GPR83: variants seen among roughly 807,000 people sequenced by gnomAD.
GPR83 encodes the protein G protein-coupled receptor 83, also known as G-protein coupled receptor 72.
In GPR83, 23 loss-of-function variants were observed where a neutral mutation model predicts 28.0. The ratio of observed to expected loss-of-function variants is 0.82; its 90% confidence interval spans 0.59 to 1.16. The LOEUF is 1.16. Among genes scored for constraint, GPR83 ranks in the 50% most tolerant of loss-of-function variants. The pLI is 0.00. For synonymous variants in GPR83, 234 were observed against 215.4 expected, an observed-to-expected ratio of 1.09 and a Z score of -0.76; for missense variants, 610 against 536.6, an observed-to-expected ratio of 1.14 and a Z score of -1.35.
At chr11:94,381,222 T>A (rs1944684078) in intron 3 of GPR83, among the ~76,000 whole-genome samples, 1 of 152,154 alleles carries the variant, frequency 6.6e-6, no homozygotes. Flanking sequence ...TGAACTAACA[T>A]CCCTTCAGCC....
chr11:94,386,491 G>C (rs759263999), intron 3 of GPR83, among the ~76,000 whole-genome samples: 10 of 152,116 alleles, frequency 6.6e-5, no homozygotes, highest in Non-Finnish European at 1.2e-4. Flanking sequence ...TCAAAATAAA[G>C]GGATGGAGAA....
chr11:94,383,203 A>G (rs1944712289), intron 3 of GPR83, among the ~76,000 whole-genome samples: 2 of 151,994 alleles, frequency 1.3e-5, no homozygotes. Context: ...ACACAACTAC[A>G]TGGAAACTGA....
At position 94,380,446 on chromosome 11, in the gene GPR83, G is replaced by C. The variant is rs775258630; in HGVS notation, c.975C>G (p.Ala325=). Reference sequence around the variant, plus strand: ...CAAACCAGTGGAAGGCAAAGTAGAGGGCATTGTTGGTGCGGATGACCTTGC... The same window carrying C: ...CAAACCAGTGGAAGGCAAAGTAGAGCGCATTGTTGGTGCGGATGACCTTGC... ...LSSKVIRTNN[A]LYFAFHWFAM... Residue 325 remains alanine (A), a synonymous_variant, in exon 4 of 4, where the codon GCC becomes GCG. Coordinates refer to ENST00000243673, the MANE Select transcript of GPR83 (RefSeq NM_016540.4). 1.1e-5 allele frequency: 17 copies of C among 1,614,192 alleles called. No homozygotes were observed. In the South Asian group the frequency reaches 1.4e-4, roughly 14 times the overall value.
In GPR83 at chr11:94,396,487, C is replaced by T; in HGVS notation, c.425G>A (p.Gly142Asp). 6.2e-7 allele frequency: 1 copy of T among 1,613,994 alleles called. No homozygotes were observed. The highest frequency in any genetic ancestry group is 8.5e-7 in the Non-Finnish European group (1 of 1,179,878). The change falls in exon 2 of 4, where the codon GGC (glycine) becomes GAC (aspartate). Residue 142 changes from glycine to aspartate, a missense_variant. Gly to Asp is a moderately conservative substitution (Grantham distance 94). Coordinates refer to ENST00000243673, the MANE Select transcript of GPR83 (RefSeq NM_016540.4). ...GGCAAAGCGGCTGACATGGCACATG[C>T]CCTTCCCAAATATCCATGTGCTGTT... is the stretch of plus-strand genomic sequence containing the variant. ...FVNSTWIFGK[G>D]MCHVSRFAQY...
At chr11:94,392,402 C>T (rs568707375) in intron 3 of GPR83, among the ~76,000 whole-genome samples, 1 of 152,062 alleles carries the variant, frequency 6.6e-6, no homozygotes, top group South Asian at 2.1e-4. Flanking sequence ...CAGCAAACCA[C>T]CATGGCACGT....
intron 3 of GPR83, among the ~76,000 whole-genome samples, chr11:94,381,380 A>AG (rs1352584306): frequency 1.3e-5 from 2 of 151,898 alleles, no homozygotes. Flanking sequence ...TGCTTTTTTT[A>AG]GGGGGGAAAA....
intron 3 of GPR83, among the ~76,000 whole-genome samples, chr11:94,387,784 TTCCAATCAATAGAAAAAGAGGGAATCC>T (rs577246366): frequency 1.9e-3 from 288 of 152,306 alleles, no homozygotes; most frequent in African/African-American, 6.6e-3. Context: ...TCTGAAACTA[TTCCAATCAATAGAAAAAGAGGGAATCC>T]TCCCTAACTC....
At chr11:94,383,347 G>A (rs1488545578) in intron 3 of GPR83, among the ~76,000 whole-genome samples, 1 of 152,066 alleles carries the variant, frequency 6.6e-6, no homozygotes, top group African/African-American at 2.4e-5. Context: ...TGTGTAGAGG[G>A]AAATTTATAG....
Position 94,380,387 on chromosome 11 carries a change from T to C in GPR83, c.1034A>G (p.Tyr345Cys). ...MSSTCYNPFI[Y>C]CWLNENFRIE... ...CCTGAAGTTCTCGTTCAGCCAGCAGTATATGAAGGGGTTATAGCAGGTGCT... is the reference window on the plus strand; with the variant it reads ...CCTGAAGTTCTCGTTCAGCCAGCAGCATATGAAGGGGTTATAGCAGGTGCT... Residue 345 changes from tyrosine to cysteine, a missense_variant, in exon 4 of 4, where the codon TAC (tyrosine) becomes TGC (cysteine). Transcript: ENST00000243673. The C allele has an allele frequency of 6.2e-7, 1 of 1,614,016 alleles. No homozygotes were observed. Among genetic ancestry groups the C allele is most frequent in the East Asian group, 2.2e-5 (1 of 44,848 alleles).
chr11:94,380,693 G>A lies in GPR83; in HGVS notation c.728C>T (p.Thr243Ile), dbSNP rs1398114308. ...DLFWKYLDLA[T>I]FILLYILPLL... Reference sequence around the variant, plus strand: ...GGGCAGGATGTAGAGCAGGATGAAGGTGGCCAAGTCCAGGTACTTCCAGAA... The same window carrying A: ...GGGCAGGATGTAGAGCAGGATGAAGATGGCCAAGTCCAGGTACTTCCAGAA... The change falls in exon 4 of 4, where the codon ACC (threonine) becomes ATC (isoleucine). Residue 243 changes from threonine to isoleucine, a missense_variant. Transcript: ENST00000243673. The A allele has an allele frequency of 4.3e-6, 7 of 1,613,560 alleles. No homozygotes were observed. The highest frequency in any genetic ancestry group is 5.9e-6 in the Non-Finnish European group (7 of 1,180,014).
In GPR83 at chr11:94,396,462, G is replaced by A. The variant is rs55802933; in HGVS notation, c.450C>T (p.Ala150=). 28,021 of 1,614,050 alleles carry A rather than the reference G, an allele frequency of 0.017. 364 individuals carry two copies. The highest frequency in any genetic ancestry group is 0.018 in the Non-Finnish European group (21,708 of 1,179,938). ...GKGMCHVSRF[A]QYCSLHVSAL... is the part of the protein sequence containing the mutation. ...CTGAGACGTGCAGTGAGCAGTACTG[G>A]GCAAAGCGGCTGACATGGCACATGC... Residue 150 remains alanine, a synonymous_variant, in exon 2 of 4, where the codon GCC becomes GCT. Coordinates refer to ENST00000243673, the MANE Select transcript of GPR83 (RefSeq NM_016540.4).
At chr11:94,392,716 C>G (rs1228501793) in intron 3 of GPR83, among the ~76,000 whole-genome samples, 1 of 151,924 alleles carries the variant, frequency 6.6e-6, no homozygotes, top group Non-Finnish European at 1.5e-5. Flanking sequence ...ATCCCAGCTA[C>G]TTGGGAAGCT....
chr11:94,388,662 G>C lies in GPR83; in HGVS notation c.647+4823C>G, dbSNP rs567725319. Among the ~76,000 whole-genome samples, 126 of 152,186 alleles carry C rather than the reference G, an allele frequency of 8.3e-4. 2 individuals carry two copies. Among genetic ancestry groups the C allele is most frequent in the African/African-American group, 2.9e-3 (121 of 41,536 alleles). ...AGGAGAACTACAAACCACTGCTCAA[G>C]GAAATAAAAGAGGATACAAACAAAT... On this transcript the variant is annotated intron_variant, in intron 3 of 3. Transcript: ENST00000243673.
intron 3 of GPR83, among the ~76,000 whole-genome samples, chr11:94,384,043 TACAG>T (rs1298227399): frequency 6.6e-6 from 1 of 151,956 alleles, no homozygotes; most frequent in Non-Finnish European, 1.5e-5. Flanking sequence ...AAAAGAAAAT[TACAG>T]GCCAACATCC....
chr11:94,398,433 G>T (rs186972808), intron 1 of GPR83, among the ~76,000 whole-genome samples: 1 of 152,068 alleles, frequency 6.6e-6, no homozygotes, highest in Non-Finnish European at 1.5e-5. Flanking sequence ...TTGATGCTTC[G>T]ATGCCTTTGT....
intron 2 of GPR83, among the ~76,000 whole-genome samples, chr11:94,395,679 C>G (rs544393952): frequency 1.3e-5 from 2 of 152,330 alleles, no homozygotes; most frequent in Admixed American, 6.5e-5. Context: ...ACCATATATA[C>G]CCATGAGCTT....
intron 2 of GPR83, among the ~76,000 whole-genome samples, chr11:94,395,388 T>A (rs1254977221): frequency 6.6e-6 from 1 of 152,204 alleles, no homozygotes; most frequent in Non-Finnish European, 1.5e-5. Context: ...CTGTGTCTGG[T>A]GGCCCTCATA....
At chr11:94,396,159 G>A (rs1236015452) in intron 2 of GPR83, among the ~76,000 whole-genome samples, 3 of 152,216 alleles carry the variant, frequency 2.0e-5, no homozygotes, top group African/African-American at 7.2e-5. Flanking sequence ...GGCGGAGGTT[G>A]CAGTGAGTCG....
chr11:94,395,790 G>A (rs867212739), intron 2 of GPR83, among the ~76,000 whole-genome samples: 19 of 152,152 alleles, frequency 1.2e-4, no homozygotes, highest in South Asian at 4.1e-4. Context: ...CTTGTTTTCC[G>A]TCTGAACAGC....
Sources: allele counts gnomAD v4.1 joint callset (sites outside exome capture counted in the v4.1 genomes callset), GRCh38; gene constraint gnomAD v4.1.1; transcripts MANE v1.5; gene names NCBI Gene and HGNC (gene_info 2026-07-23, HGNC 2026-07-21).